Variants in CYP2C19 observed in about 807,000 individuals in gnomAD.
CYP2C19 encodes the protein cytochrome P450 family 2 subfamily C member 19.
Under a neutral mutation model 40.9 loss-of-function variants are expected in CYP2C19, and 59 were observed. The observed-to-expected ratio is 1.44, with a 90% CI of 1.17 to 1.79. CYP2C19 has a LOEUF of 1.79. CYP2C19 is among the 40% of genes most tolerant of loss of function. The pLI is 0.00. For missense variants in CYP2C19, 754 were observed against 596.9 expected, an observed-to-expected ratio of 1.26 and a Z score of -2.74; for synonymous variants, 253 against 208.7, an observed-to-expected ratio of 1.21 and a Z score of -1.83.
rs532081720 is a variant in CYP2C19 at position 94,848,923 on chromosome 10, A to AT, written c.1150-990dup. ...GAATGCTTGTGATTTTTGTCCATTG[A>AT]TTTTGTATCCTGAGACTTTGCTGAA... On this transcript the variant is annotated intron_variant, in intron 7 of 8. Coordinates refer to ENST00000371321, the MANE Select transcript of CYP2C19 (RefSeq NM_000769.4). Among the ~76,000 whole-genome samples, 431 of 152,262 alleles carry AT rather than the reference A, an allele frequency of 2.8e-3. 2 individuals carry two copies. Among genetic ancestry groups the AT allele is most frequent in the African/African-American group, 9.9e-3 (411 of 41,546 alleles).
chr10:94,786,877 A>G (rs1204770780), intron 5 of CYP2C19, among the ~76,000 whole-genome samples: 4 of 152,110 alleles, frequency 2.6e-5, no homozygotes, highest in South Asian at 4.1e-4. Context: ...TTCATAGTGT[A>G]TATATACCAC....
intron 4 of CYP2C19, 47 bp downstream of exon 4, chr10:94,780,706 T>C: frequency 1.2e-6 from 2 of 1,606,382 alleles, no homozygotes; most frequent in Non-Finnish European, 1.7e-6. Flanking sequence ...ACAGTCTTTT[T>C]TTCTGGGAAA....
chr10:94,785,784 G>C (rs1669545430), intron 5 of CYP2C19, among the ~76,000 whole-genome samples: 16 of 152,116 alleles, frequency 1.1e-4, no homozygotes, highest in Admixed American at 1.0e-3. Flanking sequence ...TGATAGGAAA[G>C]AACTACCTGT....
Position 94,804,232 on chromosome 10 carries a change from G to A in CYP2C19, c.820-16264G>A, listed in dbSNP as rs1476539981. Among the ~76,000 whole-genome samples, 3 of 152,226 alleles carry A rather than the reference G, an allele frequency of 2.0e-5. No individual in the cohort carries two copies. In the East Asian group the frequency reaches 5.8e-4, roughly 29 times the overall value. On this transcript the variant is annotated intron_variant, in intron 5 of 8. Transcript: ENST00000371321. ...ATTTCCAGGTCACCAAGCTAGTCCT[G>A]GCTGTAAATGTCATCACCCAGGAGA...
At position 94,807,355 on chromosome 10, in the gene CYP2C19, T is replaced by C. The variant is rs1848849249; in HGVS notation, c.820-13141T>C. ...TGGTGAATAGTGCTTTAAGTAAATA[T>C]GGAAGTATAACTATCTCCTTGATAT... On this transcript the variant is annotated intron_variant, in intron 5 of 8. Transcript: ENST00000371321. 3.3e-5 allele frequency among the ~76,000 whole-genome samples: 5 copies of C among 152,166 alleles called. No individual in the cohort carries two copies. The South Asian group carries it at 1.0e-3, about 31-fold the overall frequency.
intron 6 of CYP2C19, among the ~76,000 whole-genome samples, chr10:94,830,240 G>A (rs975081911): frequency 1.3e-5 from 2 of 152,336 alleles, no homozygotes; most frequent in Non-Finnish European, 2.9e-5. Context: ...AATGGCGGGC[G>A]CCCCTCCCCC....
At chr10:94,830,336 G>C (rs533044041) in intron 6 of CYP2C19, among the ~76,000 whole-genome samples, 2 of 152,212 alleles carry the variant, frequency 1.3e-5, no homozygotes, top group African/African-American at 4.8e-5. Context: ...CTCCGAGCCA[G>C]GTGCGGGATA....
chr10:94,812,221 G>A (rs1172928007), intron 5 of CYP2C19, among the ~76,000 whole-genome samples: 3 of 152,136 alleles, frequency 2.0e-5, no homozygotes, highest in Non-Finnish European at 4.4e-5. Context: ...CCTCTGGCTT[G>A]TCGAGCTTCT....
rs540232530 is a variant in CYP2C19 at position 94,842,315 on chromosome 10, CT to C, written c.962-514del. On this transcript the variant is annotated intron_variant, in intron 6 of 8. Coordinates refer to ENST00000371321, the MANE Select transcript of CYP2C19 (RefSeq NM_000769.4). The stretch of plus-strand genomic sequence containing the variant: ...TGCTTTAAATATAATAACTCTTCCT[CT>C]TTTTTTTATTTCCTTTGGAATGTAC... Among the ~76,000 whole-genome samples, 8 of 147,270 alleles carry C rather than the reference CT, an allele frequency of 5.4e-5. No individual in the cohort carries two copies. In the East Asian group the frequency reaches 6.0e-4, roughly 11 times the overall value.
At chr10:94,843,294 G>T (rs539083838) in intron 7 of CYP2C19, among the ~76,000 whole-genome samples, 3 of 152,182 alleles carry the variant, frequency 2.0e-5, no homozygotes, top group Non-Finnish European at 2.9e-5. Flanking sequence ...AATTTTGAAG[G>T]TGTTAATTTT....
chr10:94,773,113 A>G (rs1246918226), intron 1 of CYP2C19, among the ~76,000 whole-genome samples: 2 of 152,200 alleles, frequency 1.3e-5, no homozygotes, highest in African/African-American at 4.8e-5. Context: ...ACAGGTGCCC[A>G]GTATTTAGCC....
chr10:94,777,422 C>G (rs1848422897), intron 3 of CYP2C19, among the ~76,000 whole-genome samples: 1 of 151,874 alleles, frequency 6.6e-6, no homozygotes, highest in Non-Finnish European at 1.5e-5. Flanking sequence ...CTACAGTAGC[C>G]AAAACAGCAT....
intron 6 of CYP2C19, among the ~76,000 whole-genome samples, chr10:94,839,257 G>A (rs1849452814): frequency 6.6e-6 from 1 of 151,588 alleles, no homozygotes; most frequent in Non-Finnish European, 1.5e-5. Flanking sequence ...GGATTCTAGT[G>A]GTCCTTTACC....
chr10:94,766,758 C>T (rs527871841), intron 1 of CYP2C19, among the ~76,000 whole-genome samples: 2 of 152,142 alleles, frequency 1.3e-5, no homozygotes, highest in South Asian at 2.1e-4. Flanking sequence ...GATCTTGGGA[C>T]TCCTGAGCTG....
intron 6 of CYP2C19, among the ~76,000 whole-genome samples, chr10:94,835,007 C>T (rs1026877871): frequency 2.0e-5 from 3 of 152,030 alleles, no homozygotes; most frequent in Admixed American, 6.6e-5. Flanking sequence ...GAGATTTCCT[C>T]GGGAGAGGTG....
intron 6 of CYP2C19, among the ~76,000 whole-genome samples, chr10:94,840,203 C>G (rs1849470837): frequency 6.6e-6 from 1 of 151,924 alleles, no homozygotes; most frequent in Non-Finnish European, 1.5e-5. Context: ...TAAATTTACC[C>G]TGGCTTTTAA....
chr10:94,826,431 T>A (rs577073586), intron 6 of CYP2C19, among the ~76,000 whole-genome samples: 14 of 152,274 alleles, frequency 9.2e-5, no homozygotes, highest in Non-Finnish European at 1.8e-4. Context: ...TTGTGAATGG[T>A]AGTTCACTCA....
At position 94,836,158 on chromosome 10, in the gene CYP2C19, G is replaced by A. The variant is rs1374605840; in HGVS notation, c.962-6679G>A. On this transcript the variant is annotated intron_variant, in intron 6 of 8. Transcript: ENST00000371321. Reference sequence around the variant, plus strand: ...CTGATATTTAAGTAAGTGGTTGTCTGACAGCCACAAGTCTCCTTTAGCAGT... The same window carrying A: ...CTGATATTTAAGTAAGTGGTTGTCTAACAGCCACAAGTCTCCTTTAGCAGT... 2.0e-5 allele frequency among the ~76,000 whole-genome samples: 3 copies of A among 152,348 alleles called. No individual in the cohort carries two copies. In the East Asian group the frequency reaches 5.8e-4, roughly 29 times the overall value.
chr10:94,835,015 G>C (rs920158216), intron 6 of CYP2C19, among the ~76,000 whole-genome samples: 1 of 152,126 alleles, frequency 6.6e-6, no homozygotes, highest in African/African-American at 2.4e-5. Flanking sequence ...CTCGGGAGAG[G>C]TGCCTTCAAT....
Sources: gnomAD v4.1 joint callset for allele counts (sites outside exome capture counted in the v4.1 genomes callset) on GRCh38, gnomAD v4.1.1 for gene constraint, MANE v1.5 for transcripts, NCBI Gene and HGNC (gene_info 2026-07-23, HGNC 2026-07-21) for gene names.